Variants in MAST4 observed in about 807,000 individuals in gnomAD.
The protein encoded by MAST4 is microtubule-associated serine/threonine-protein kinase 4.
In MAST4, 89 loss-of-function variants were observed where a neutral mutation model predicts 162.7. That is an observed-to-expected ratio of 0.55 (90% CI 0.46 to 0.65). MAST4 has a LOEUF of 0.65. Among genes scored for constraint, MAST4 ranks in the 30% least tolerant of loss-of-function variants. The probability of loss-of-function intolerance (pLI) is 0.00; values close to 1 mark genes in which losing one functional copy is unlikely to be tolerated. For synonymous variants in MAST4, 1,479 were observed against 1,361.1 expected (o/e 1.09, Z -1.91); for missense variants, 3,153 against 3,374.0 (o/e 0.93, Z 1.62).
In MAST4 at chr5:67,145,452, G is replaced by A. The variant is rs572213900; in HGVS notation, c.3094+73G>A. 55 of 1,337,952 alleles carry A rather than the reference G, an allele frequency of 4.1e-5. 1 individual carries two copies. Among genetic ancestry groups the A allele is most frequent in the South Asian group, 3.7e-4 (28 of 76,592 alleles). The allele number at this position is 1,337,952 out of a possible 1,614,324, so 82.9% of individuals were successfully genotyped here. The stretch of plus-strand genomic sequence containing the variant: ...GTCTCCTAGTGCTCAGTCCCAGGGC[G>A]GGCCTCGCCAGGCAGTAAAGATGGG... On this transcript the variant is annotated intron_variant, in intron 23 of 28. Coordinates refer to ENST00000403625, the MANE Select transcript of MAST4 (RefSeq NM_001164664.2).
At chr5:66,790,818 C>T (rs1755361992) in intron 3 of MAST4, among the ~76,000 whole-genome samples, 2 of 152,252 alleles carry the variant, frequency 1.3e-5, no homozygotes, top group East Asian at 3.9e-4. Flanking sequence ...TTATTAAGAG[C>T]TTATTTTACT....
In MAST4 at chr5:67,165,641, C is replaced by T; in HGVS notation, c.6462C>T (p.Ser2154=). The part of the protein sequence containing the change: ...SSPAARQHCS[S]PSHASGREPG... ...CGGCTGCCAGGCAGCATTGCAGTTC[C>T]CCAAGCCACGCTTCTGGCAGAGAGC... The change falls in exon 29 of 29, where the codon TCC becomes TCT. Residue 2154 remains serine (S), a synonymous_variant. Transcript: ENST00000403625. 1 of 1,610,196 alleles carries T rather than the reference C, an allele frequency of 6.2e-7. No homozygotes were observed. Among genetic ancestry groups the T allele is most frequent in the South Asian group, 1.1e-5 (1 of 90,314 alleles).
At chr5:66,866,652 G>A (rs1450091543) in intron 3 of MAST4, among the ~76,000 whole-genome samples, 1 of 152,162 alleles carries the variant, frequency 6.6e-6, no homozygotes, top group African/African-American at 2.4e-5. Flanking sequence ...TTTGGTTGGG[G>A]GTGAGATATA....
chr5:66,714,706 G>A (rs1004739607), intron 1 of MAST4, among the ~76,000 whole-genome samples: 13 of 152,126 alleles, frequency 8.5e-5, no homozygotes, highest in African/African-American at 3.1e-4. Flanking sequence ...CTGCTTTTTT[G>A]TCTTTTTTAA....
At chr5:67,014,841 T>G (rs948226513) in intron 4 of MAST4, among the ~76,000 whole-genome samples, 4 of 152,238 alleles carry the variant, frequency 2.6e-5, no homozygotes. Context: ...ATTTGATGGC[T>G]TCTTGTAGAG....
chr5:66,919,586 A>G (rs1485549427), intron 4 of MAST4, among the ~76,000 whole-genome samples: 2 of 149,018 alleles, frequency 1.3e-5, no homozygotes, highest in Non-Finnish European at 3.0e-5. Flanking sequence ...GCTTGAACCC[A>G]CGAGGCAGAG....
chr5:66,705,270 T>C (rs181993576), intron 1 of MAST4, among the ~76,000 whole-genome samples: 2 of 152,342 alleles, frequency 1.3e-5, no homozygotes, highest in African/African-American at 2.4e-5. Flanking sequence ...CTTCCTTTTT[T>C]CTATTTTTAA....
intron 2 of MAST4, among the ~76,000 whole-genome samples, chr5:66,760,655 T>C (rs1753805462): frequency 6.6e-6 from 1 of 152,176 alleles, no homozygotes. Context: ...TCTACTCCTT[T>C]GGTCTGGATT....
rs116361623 is a variant in MAST4, at chr5:67,021,303, G to A, written c.675-33101G>A. 7.4e-3 allele frequency among the ~76,000 whole-genome samples: 1,122 copies of A among 152,206 alleles called. 13 individuals carry two copies. Among genetic ancestry groups the A allele is most frequent in the African/African-American group, 0.026 (1,083 of 41,514 alleles). ...TGAATTGAATGTTGTGCATGTTACAGGAATAGAATTTTCTCTTATCCAAGT... is the reference window on the plus strand; with the variant it reads ...TGAATTGAATGTTGTGCATGTTACAAGAATAGAATTTTCTCTTATCCAAGT... On this transcript the variant is annotated intron_variant, in intron 4 of 28. Coordinates refer to ENST00000403625, the MANE Select transcript of MAST4 (RefSeq NM_001164664.2).
intron 4 of MAST4, among the ~76,000 whole-genome samples, chr5:66,929,081 C>A (rs1023541582): frequency 6.6e-6 from 1 of 152,168 alleles, no homozygotes; most frequent in East Asian, 1.9e-4. Flanking sequence ...AGTCCTACAA[C>A]AAGCTGTCTA....
chr5:67,113,294 A>T (rs1029408875), intron 11 of MAST4, among the ~76,000 whole-genome samples: 2 of 139,418 alleles, frequency 1.4e-5, no homozygotes, highest in Non-Finnish European at 3.1e-5. Context: ...AGCCTGGGCG[A>T]CAGAGCGAGA....
intron 2 of MAST4, among the ~76,000 whole-genome samples, chr5:66,780,010 A>G (rs1050749334): frequency 2.0e-5 from 3 of 152,112 alleles, no homozygotes; most frequent in African/African-American, 7.2e-5. Flanking sequence ...TTTTTCTTCT[A>G]TAAGGTACAG....
intron 4 of MAST4, among the ~76,000 whole-genome samples, chr5:66,962,630 G>A (rs1746153871): frequency 6.6e-6 from 1 of 152,122 alleles, no homozygotes; most frequent in East Asian, 1.9e-4. Context: ...ATCACTTTGA[G>A]CCCAGGAGGT....
intron 1 of MAST4, among the ~76,000 whole-genome samples, chr5:66,707,338 G>T (rs569312665): frequency 6.6e-6 from 1 of 152,320 alleles, no homozygotes; most frequent in African/African-American, 2.4e-5. Context: ...CCACAGCTGT[G>T]TGTTCCTCAT....
intron 1 of MAST4, among the ~76,000 whole-genome samples, chr5:66,677,307 C>T (rs1446100567): frequency 6.6e-6 from 1 of 152,130 alleles, no homozygotes; most frequent in African/African-American, 2.4e-5. Flanking sequence ...CGGCAATCAC[C>T]AGAAACTGCA....
chr5:66,678,728 C>T (rs905460598), intron 1 of MAST4, among the ~76,000 whole-genome samples: 1 of 151,908 alleles, frequency 6.6e-6, no homozygotes, highest in Non-Finnish European at 1.5e-5. Context: ...CTCTTGATCT[C>T]GTGATCTTCC....
intron 1 of MAST4, among the ~76,000 whole-genome samples, chr5:66,710,194 T>C (rs890908671): frequency 6.6e-5 from 10 of 152,248 alleles, no homozygotes; most frequent in Admixed American, 6.5e-4. Flanking sequence ...GTGATGTGAC[T>C]GCATTGAGAT....
At chr5:66,624,889 T>TG (rs1435643942) in intron 1 of MAST4, among the ~76,000 whole-genome samples, 2 of 152,202 alleles carry the variant, frequency 1.3e-5, no homozygotes, top group African/African-American at 4.8e-5. Context: ...ACATAAGACT[T>TG]GCAATTGTAA....
intron 1 of MAST4, chr5:66,738,052 T>C (rs78616012): frequency 1.3e-5 from 2 of 152,130 alleles, no homozygotes; most frequent in Non-Finnish European, 2.9e-5. Flanking sequence ...GCTGACAAAT[T>C]CAACCACAGA....
Sources: allele counts gnomAD v4.1 joint callset (sites outside exome capture counted in the v4.1 genomes callset), GRCh38; gene constraint gnomAD v4.1.1; transcripts MANE v1.5; gene names NCBI Gene and HGNC (gene_info 2026-07-23, HGNC 2026-07-21).